The following CHRNA4 variants were observed in gnomAD, a reference collection of about 807,000 sequenced individuals.
The protein encoded by CHRNA4 is cholinergic receptor nicotinic alpha 4 subunit.
CHRNA4 carries 28 observed loss-of-function variants against 48.9 expected under a neutral mutation model. The observed-to-expected ratio is 0.57, with a 90% confidence interval of 0.42 to 0.79. CHRNA4 has a LOEUF of 0.79. CHRNA4 is among the 30% of genes least tolerant of loss of function. The pLI is 0.00. For synonymous variants in CHRNA4, 425 were observed against 402.3 expected (o/e 1.06, Z -0.68); for missense variants, 859 against 898.4 (o/e 0.96, Z 0.56).
chr20:63,361,005 A>T, intron 1 of CHRNA4, 85 bp downstream of exon 1: 1 of 1,136,176 alleles, frequency 8.8e-7, no homozygotes, highest in Non-Finnish European at 1.1e-6. Flanking sequence ...GACCGCAGTC[A>T]GGAGCCTGCC....
In CHRNA4 at chr20:63,357,108, AT is replaced by A. The variant is rs144008793; in HGVS notation, c.229-694del. Among the ~76,000 whole-genome samples the A allele has an allele frequency of 5.7e-3, 743 of 130,028 alleles. 13 individuals are homozygous for A. Among genetic ancestry groups the A allele is most frequent in the South Asian group, 0.012 (45 of 3,682 alleles). 85.3% of individuals were successfully genotyped at this position (130,028 alleles called of 152,430 possible). A position where few individuals can be genotyped will look rare whatever the true frequency, so the allele number is the denominator to read the frequency against. ...CAGAACCACATCCCCACAGGACCAC[AT>A]TCCCACAGGACCACGTCTCCACGGA... On this transcript the variant is annotated intron_variant, in intron 2 of 5. Transcript: ENST00000370263.
chr20:63,359,907 G>GC (rs1321244257), intron 1 of CHRNA4: 31 of 432,572 alleles, frequency 7.2e-5, no homozygotes, highest in South Asian at 9.9e-5. Context: ...CTGTGTGTGT[G>GC]TGTGTGTGTG....
intron 4 of CHRNA4, among the ~76,000 whole-genome samples, chr20:63,353,846 ACC>A (rs2068663193): frequency 2.1e-4 from 1 of 4,736 alleles, no homozygotes; most frequent in Non-Finnish European, 6.3e-4. Context: ...GGGGGCTGTG[ACC>A]CTCGGGGGGG....
At position 63,345,291 on chromosome 20, in the gene CHRNA4, T is replaced by C; in HGVS notation, c.*1447A>G. ...TGGATGGGGTCTGGGGGCAGCAGAA[T>C]GTGGACCACTCAGCAGGAGGCTTCC... On this transcript the variant is annotated 3_prime_UTR_variant, in exon 6 of 6. Transcript: ENST00000370263. The surrounding 1 kb of genome is among the most constrained non-coding windows in gnomAD (Gnocchi z 5.4). 2 of 453,620 alleles carry C rather than the reference T, an allele frequency of 4.4e-6. No individual in the cohort carries two copies. The highest frequency in any genetic ancestry group is 8.8e-6 in the Non-Finnish European group (2 of 226,510). 28.1% of individuals were successfully genotyped at this position (453,620 alleles called of 1,614,324 possible). A position where few individuals can be genotyped will look rare whatever the true frequency, so the allele number is the denominator to read the frequency against.
At position 63,343,659 on chromosome 20, in the gene CHRNA4, C is replaced by G. The variant is rs770282344; in HGVS notation, c.*3079G>C. The G allele has an allele frequency of 6.7e-6, 3 of 448,976 alleles. No individual in the cohort carries two copies. Among genetic ancestry groups the G allele is most frequent in the South Asian group, 4.7e-5 (3 of 64,180 alleles). The allele number at this position is 448,976 out of a possible 1,614,324, so 27.8% of individuals were successfully genotyped here. On this transcript the variant is annotated 3_prime_UTR_variant, in exon 6 of 6. Coordinates refer to ENST00000370263, the MANE Select transcript of CHRNA4 (RefSeq NM_000744.7). ...CCACACGGGAAGCACCCAGGCCGGT[C>G]CGGAGGCAGAAGGGGCTGGGAAGCC...
In CHRNA4 at chr20:63,350,035, C is replaced by T. The variant is rs753201154; in HGVS notation, c.1376G>A (p.Gly459Glu). The T allele has an allele frequency of 4.0e-6, 6 of 1,517,880 alleles. No homozygotes were observed. In the African/African-American group the frequency reaches 4.1e-5, roughly 10 times the overall value. 94.0% of individuals were successfully genotyped at this position (1,517,880 alleles called of 1,614,324 possible). A position where few individuals can be genotyped will look rare whatever the true frequency, so the allele number is the denominator to read the frequency against. ...GCTGAGGGACCTGGCTTTGGCCAGCCCTGGTGCCTGGGTGCCGTGGGGCGG... is the reference window on the plus strand; with the variant it reads ...GCTGAGGGACCTGGCTTTGGCCAGCTCTGGTGCCTGGGTGCCGTGGGGCGG... ...CRPPHGTQAPGLAKARSLSVQ... is the reference protein window; with the variant it reads ...CRPPHGTQAPELAKARSLSVQ... The change falls in exon 5 of 6, where the codon GGG (glycine) becomes GAG (glutamate). Residue 459 changes from glycine (G) to glutamate (E), a missense_variant. Gly to Glu is a moderately conservative substitution (Grantham distance 98). This residue lies in a region of CHRNA4 where 478 missense variants were observed against 455.4 expected (regional missense o/e 1.05). Transcript: ENST00000370263.
Position 63,356,371 on chromosome 20 carries a change from C to G in CHRNA4, c.273G>C (p.Gln91His). Residue 91 changes from glutamine to histidine, a missense_variant and splice_region_variant, in exon 3 of 6, where the codon CAG becomes CAC. Gln to His is a conservative substitution (Grantham distance 24). Coordinates refer to ENST00000370263, the MANE Select transcript of CHRNA4 (RefSeq NM_000744.7). ...QMMTTNVWVK[Q>H]EWHDYKLRWD... ...GGCAGGGCAGTGCCCTCCCACTCAC[C>G]TGCTTCACCCATACGTTCGTGGTCA... is the stretch of plus-strand genomic sequence containing the variant. 1 of 1,592,462 alleles carries G rather than the reference C, an allele frequency of 6.3e-7. No homozygotes were observed. Among genetic ancestry groups the G allele is most frequent in the Non-Finnish European group, 8.5e-7 (1 of 1,169,962 alleles).
chr20:63,354,161 T>TG (rs1278860975), intron 4 of CHRNA4, among the ~76,000 whole-genome samples: 1 of 58,152 alleles, frequency 1.7e-5, no homozygotes, highest in African/African-American at 6.5e-5. Context: ...AATGTGGTCC[T>TG]GGGGGCCTGT....
chr20:63,355,415 G>T, intron 4 of CHRNA4: 1 of 908,770 alleles, frequency 1.1e-6, no homozygotes, highest in Non-Finnish European at 1.5e-6. Flanking sequence ...GGGACCTGGC[G>T]TGACATGTCC....
Position 63,344,457 on chromosome 20 carries a change from G to A in CHRNA4, c.*2281C>T, listed in dbSNP as rs2123459281. On this transcript the variant is annotated 3_prime_UTR_variant, in exon 6 of 6. Coordinates refer to ENST00000370263, the MANE Select transcript of CHRNA4 (RefSeq NM_000744.7). This position sits in a 1 kb window ranked among gnomAD's most constrained non-coding sequence, Gnocchi z 4.5. Reference sequence around the variant, plus strand: ...TGTCAAGGTTAATTTGGCGTGGTGGGAATATGGTGCTTTATTTGGATTTTT... The same window carrying A: ...TGTCAAGGTTAATTTGGCGTGGTGGAAATATGGTGCTTTATTTGGATTTTT... The A allele has an allele frequency of 2.2e-6, 1 of 452,536 alleles. No homozygotes were observed. Among genetic ancestry groups the A allele is most frequent in the East Asian group, 7.0e-5 (1 of 14,308 alleles). The allele number at this position is 452,536 out of a possible 1,614,324, so 28.0% of individuals were successfully genotyped here.
chr20:63,355,886 G>C, intron 4 of CHRNA4, 89 bp downstream of exon 4: 1 of 1,551,602 alleles, frequency 6.4e-7, no homozygotes, highest in South Asian at 1.2e-5. Context: ...CTGGGCCTTG[G>C]TGGAGCTCCC....
Position 63,343,511 on chromosome 20 carries a change from G to A in CHRNA4, c.*3227C>T, listed in dbSNP as rs976466336. The A allele has an allele frequency of 1.5e-5, 7 of 454,040 alleles. No individual in the cohort carries two copies. The highest frequency in any genetic ancestry group is 4.7e-5 in the South Asian group (3 of 64,482). The allele number at this position is 454,040 out of a possible 1,614,324, so 28.1% of individuals were successfully genotyped here. A position where few individuals can be genotyped will look rare whatever the true frequency, so the allele number is the denominator to read the frequency against. On this transcript the variant is annotated 3_prime_UTR_variant, in exon 6 of 6. Transcript: ENST00000370263. ...AACCCAGCAGTCCCACAGCAGCTGCGTGCCCTAGAGTGTCCTGGGCCCGGC... is the reference window on the plus strand; with the variant it reads ...AACCCAGCAGTCCCACAGCAGCTGCATGCCCTAGAGTGTCCTGGGCCCGGC...
Position 63,344,177 on chromosome 20 carries a change from A to C in CHRNA4, c.*2561T>G, listed in dbSNP as rs45555537. The C allele has an allele frequency of 7.6e-3, 3,467 of 454,116 alleles. 23 individuals carry two copies. Among genetic ancestry groups the C allele is most frequent in the Middle Eastern group, 0.012 (18 of 1,444 alleles). The allele number at this position is 454,116 out of a possible 1,614,324, so 28.1% of individuals were successfully genotyped here. A position where few individuals can be genotyped will look rare whatever the true frequency, so the allele number is the denominator to read the frequency against. The stretch of plus-strand genomic sequence containing the variant: ...CGGACACACACAACAGCACGGATGA[A>C]GCTCTAAGTCATAGGATGAAGAAGC... On this transcript the variant is annotated 3_prime_UTR_variant, in exon 6 of 6. Coordinates refer to ENST00000370263, the MANE Select transcript of CHRNA4 (RefSeq NM_000744.7). This position sits in a 1 kb window ranked among gnomAD's most constrained non-coding sequence, Gnocchi z 4.5.
At chr20:63,358,827 C>T (rs895066458) in intron 2 of CHRNA4, among the ~76,000 whole-genome samples, 1 of 152,204 alleles carries the variant, frequency 6.6e-6, no homozygotes, top group African/African-American at 2.4e-5. Context: ...CCTCCAGGGC[C>T]GCCGAGACCC....
At chr20:63,352,990 T>G (rs1412972268) in intron 4 of CHRNA4, among the ~76,000 whole-genome samples, 1 of 151,996 alleles carries the variant, frequency 6.6e-6, no homozygotes, top group East Asian at 1.9e-4. Context: ...ACCATAAAGC[T>G]GCACCCTGGG....
chr20:63,352,443 C>CA (rs2068629733), intron 4 of CHRNA4, among the ~76,000 whole-genome samples: 1 of 152,196 alleles, frequency 6.6e-6, no homozygotes, highest in Non-Finnish European at 1.5e-5. Context: ...GCTGGGCTGC[C>CA]GCTCAGCTGC....
At chr20:63,353,312 G>GGA (rs2068643467) in intron 4 of CHRNA4, among the ~76,000 whole-genome samples, 1 of 152,162 alleles carries the variant, frequency 6.6e-6, no homozygotes, top group South Asian at 2.1e-4. Flanking sequence ...GGTCCTGTCC[G>GGA]GAGAGAGCCT....
At position 63,359,913 on chromosome 20, in the gene CHRNA4, G is replaced by A. The variant is rs866971343; in HGVS notation, c.77-214C>T. 6.5e-3 allele frequency: 3,387 copies of A among 519,432 alleles called. 100 individuals carry two copies. Among genetic ancestry groups the A allele is most frequent in the African/African-American group, 0.046 (2,410 of 51,904 alleles). 32.2% of individuals were successfully genotyped at this position (519,432 alleles called of 1,614,324 possible). ...GGGCGTGTGCTGTGTGTGTGTGTGT[G>A]TGTGTGTGTGTGTGTGCCGGGCGTG... On this transcript the variant is annotated intron_variant, in intron 1 of 5. Transcript: ENST00000370263.
chr20:63,348,316 G>A (rs775754073), intron 5 of CHRNA4, among the ~76,000 whole-genome samples: 5 of 152,228 alleles, frequency 3.3e-5, no homozygotes, highest in Non-Finnish European at 5.9e-5. Context: ...GCTGCCTCTC[G>A]CTTCAAGAGC....
Sources: gnomAD v4.1 joint callset for allele counts (sites outside exome capture counted in the v4.1 genomes callset) on GRCh38, gnomAD v4.1.1 for gene constraint, gnomAD v4.1.1 regional missense constraint, Gnocchi (gnomAD v3.1) non-coding constraint, MANE v1.5 for transcripts, NCBI Gene and HGNC (gene_info 2026-07-23, HGNC 2026-07-21) for gene names.